Variants in AASS observed in about 807,000 individuals in gnomAD.
AASS encodes aminoadipate-semialdehyde synthase.
Under a neutral mutation model 105.4 loss-of-function variants are expected in AASS, and 86 were observed. The observed-to-expected ratio is 0.82, with a 90% CI of 0.69 to 0.98. The LOEUF (loss-of-function observed/expected upper bound fraction) is 0.98, where lower values mean the gene tolerates loss of function less well. Among genes scored for constraint, AASS ranks in the 50% least tolerant of loss-of-function variants. AASS has a pLI of 0.00. For synonymous variants in AASS, 381 were observed against 394.8 expected (o/e 0.96, Z 0.41); for missense variants, 1,048 against 1,143.2 (o/e 0.92, Z 1.20).
intron 19 of AASS, among the ~76,000 whole-genome samples, chr7:122,082,170 A>G (rs1285671329): frequency 2.0e-5 from 3 of 152,164 alleles, no homozygotes; most frequent in Non-Finnish European, 2.9e-5. Flanking sequence ...ATATGATGAT[A>G]TCATCACTCT....
chr7:122,076,811 T>C (rs1183245802), intron 23 of AASS, among the ~76,000 whole-genome samples: 1 of 152,198 alleles, frequency 6.6e-6, no homozygotes, highest in Non-Finnish European at 1.5e-5. Context: ...GATTTTAGAT[T>C]GAAAGCACAG....
At position 122,091,684 on chromosome 7, in the gene AASS, C is replaced by T; in HGVS notation, c.2016+19G>A. On this transcript the variant is annotated intron_variant, in intron 18 of 23. Coordinates refer to ENST00000417368, the MANE Select transcript of AASS (RefSeq NM_005763.4). ...GTTATTGCAGGTTGATATCACTATG[C>T]TTGGATAAGATTCCTCACCTTTCCA... The T allele has an allele frequency of 6.2e-7, 1 of 1,613,220 alleles. No individual in the cohort carries two copies. Among genetic ancestry groups the T allele is most frequent in the Non-Finnish European group, 8.5e-7 (1 of 1,179,470 alleles).
rs112179030 is a variant in AASS at position 122,143,520 on chromosome 7, G to A, written c.-16+641C>T. Reference sequence around the variant, plus strand: ...ACAATGGGCTGCATAGTCCCGCAGGGGCTGAAGAGTTCAGGAAACCCAGAC... The same window carrying A: ...ACAATGGGCTGCATAGTCCCGCAGGAGCTGAAGAGTTCAGGAAACCCAGAC... On this transcript the variant is annotated intron_variant, in intron 1 of 23. Transcript: ENST00000417368. Among the ~76,000 whole-genome samples the A allele has an allele frequency of 8.7e-4, 132 of 151,312 alleles. 1 individual carries two copies. Among genetic ancestry groups the A allele is most frequent in the African/African-American group, 3.1e-3 (127 of 41,258 alleles).
intron 4 of AASS, among the ~76,000 whole-genome samples, chr7:122,120,792 A>G (rs1240005699): frequency 6.6e-6 from 1 of 151,892 alleles, no homozygotes; most frequent in African/African-American, 2.4e-5. Flanking sequence ...TTTTCCTGTG[A>G]TTTCTTCTTA....
In AASS at chr7:122,103,467, T is replaced by A. The variant is rs73442844; in HGVS notation, c.1279-1787A>T. Among the ~76,000 whole-genome samples the A allele has an allele frequency of 3.8e-3, 579 of 151,190 alleles. 4 individuals are homozygous for A. The highest frequency in any genetic ancestry group is 0.013 in the African/African-American group (550 of 41,224). On this transcript the variant is annotated intron_variant, in intron 11 of 23. Transcript: ENST00000417368. ...GCTCTATAAGAAATGCTTAAGGGAGTTTTTCAAGTAGAAAAAAAGAACATT... is the reference window on the plus strand; with the variant it reads ...GCTCTATAAGAAATGCTTAAGGGAGATTTTCAAGTAGAAAAAAAGAACATT...
At chr7:122,084,621 G>C (rs1404579384) in intron 19 of AASS, among the ~76,000 whole-genome samples, 1 of 151,950 alleles carries the variant, frequency 6.6e-6, no homozygotes, top group African/African-American at 2.4e-5. Context: ...GTTACCAGGG[G>C]CAGGGCTGCA....
intron 4 of AASS, among the ~76,000 whole-genome samples, chr7:122,120,800 T>C (rs1008699885): frequency 2.0e-5 from 3 of 152,086 alleles, no homozygotes; most frequent in Admixed American, 2.0e-4. Context: ...TGATTTCTTC[T>C]TAATCCATCA....
intron 21 of AASS, 145 bp downstream of exon 21, chr7:122,079,452 G>T: frequency 9.4e-7 from 1 of 1,060,776 alleles, no homozygotes; most frequent in Non-Finnish European, 1.4e-6. Context: ...ATGCCCACAT[G>T]AACATGGCAC....
chr7:122,109,741 C>T (rs935277893), intron 11 of AASS, among the ~76,000 whole-genome samples: 1 of 150,724 alleles, frequency 6.6e-6, no homozygotes, highest in South Asian at 2.1e-4. Flanking sequence ...ATTACATTGA[C>T]CTGGTTAAGA....
intron 2 of AASS, among the ~76,000 whole-genome samples, chr7:122,130,912 C>A (rs1386761456): frequency 2.0e-5 from 3 of 150,128 alleles, no homozygotes; most frequent in African/African-American, 4.9e-5. Flanking sequence ...GAGCAATGTT[C>A]AAGATATGTT....
chr7:122,111,852 C>T (rs760320191), intron 11 of AASS, among the ~76,000 whole-genome samples: 16 of 151,916 alleles, frequency 1.1e-4, no homozygotes, highest in African/African-American at 3.1e-4. Flanking sequence ...TGCAGTGAGC[C>T]GCAATTGCAT....
intron 4 of AASS, among the ~76,000 whole-genome samples, chr7:122,120,200 C>A (rs57341517): frequency 0.22 from 33,373 of 151,908 alleles, 3,865 homozygotes; most frequent in African/African-American, 0.29. Context: ...TAAAAAAATT[C>A]TTTGTATAAA....
intron 6 of AASS, 114 bp downstream of exon 6, chr7:122,118,192 GC>G: frequency 8.7e-7 from 1 of 1,155,014 alleles, no homozygotes; most frequent in South Asian, 1.3e-5. Context: ...TAAGAAAAGT[GC>G]CTAAAATAGA....
At chr7:122,142,036 C>A (rs1796423658) in intron 1 of AASS, among the ~76,000 whole-genome samples, 1 of 152,136 alleles carries the variant, frequency 6.6e-6, no homozygotes, top group Non-Finnish European at 1.5e-5. Context: ...CCTAAGCTAC[C>A]TGCATTAATA....
At chr7:122,124,030 C>G (rs939630548) in intron 4 of AASS, among the ~76,000 whole-genome samples, 1 of 152,168 alleles carries the variant, frequency 6.6e-6, no homozygotes, top group African/African-American at 2.4e-5. Flanking sequence ...TGAATTCCAC[C>G]TTCTAAATAC....
Position 122,098,872 on chromosome 7 carries a change from T to TAAA in AASS, c.1407-9_1407-7dup, listed in dbSNP as rs34474265. ...AAAGTGACTGAGCACGTTCCCTATT[T>TAAA]AAAAAAAAAAAAAAAAAAAAAAAAG... On this transcript the variant is annotated splice_region_variant and splice_polypyrimidine_tract_variant and intron_variant, in intron 13 of 23. Coordinates refer to ENST00000417368, the MANE Select transcript of AASS (RefSeq NM_005763.4). 2,357 of 1,162,594 alleles carry TAAA rather than the reference T, an allele frequency of 2.0e-3. 1 individual carries two copies. The highest frequency in any genetic ancestry group is 7.1e-3 in the South Asian group (376 of 52,740). 72.0% of individuals were successfully genotyped at this position (1,162,594 alleles called of 1,614,324 possible). A position where few individuals can be genotyped will look rare whatever the true frequency, so the allele number is the denominator to read the frequency against.
chr7:122,100,393 G>A (rs1482403174), intron 13 of AASS, among the ~76,000 whole-genome samples: 4 of 151,860 alleles, frequency 2.6e-5, no homozygotes, highest in African/African-American at 7.2e-5. Flanking sequence ...GGGTTATAGA[G>A]CTAGCTTCTC....
chr7:122,126,549 T>C, intron 3 of AASS, 90 bp from the exon 4 acceptor site: 2 of 1,116,172 alleles, frequency 1.8e-6, no homozygotes, highest in Non-Finnish European at 2.7e-6. Context: ...TATTTCACAT[T>C]TTTTCCTCTG....
intron 15 of AASS, among the ~76,000 whole-genome samples, chr7:122,096,088 A>G (rs969560147): frequency 3.2e-4 from 49 of 152,040 alleles, no homozygotes; most frequent in African/African-American, 1.1e-3. Context: ...ATTTAAGTTG[A>G]CTCCAACCCA....
Sources: gnomAD v4.1 joint callset for allele counts (sites outside exome capture counted in the v4.1 genomes callset) on GRCh38, gnomAD v4.1.1 for gene constraint, MANE v1.5 for transcripts, NCBI Gene and HGNC (gene_info 2026-07-23, HGNC 2026-07-21) for gene names.